The following ESCO1 variants were observed in gnomAD, a reference collection of about 807,000 sequenced individuals.
ESCO1 encodes establishment of sister chromatid cohesion N-acetyltransferase 1, also known as N-acetyltransferase ESCO1.
ESCO1 carries 33 observed loss-of-function variants against 83.5 expected under a neutral mutation model. The observed-to-expected ratio is 0.40, with a 90% CI of 0.30 to 0.53. The LOEUF (loss-of-function observed/expected upper bound fraction) is 0.53, where lower values mean the gene tolerates loss of function less well. ESCO1 is among the 20% of genes least tolerant of loss of function. The pLI is 0.63. For missense variants in ESCO1, 855 were observed against 968.0 expected (o/e 0.88, Z 1.55); for synonymous variants, 332 against 324.3 (o/e 1.02, Z -0.25).
intron 1 of ESCO1, among the ~76,000 whole-genome samples, chr18:21,596,307 T>TA (rs2038766360): frequency 6.6e-6 from 1 of 151,876 alleles, no homozygotes. Flanking sequence ...TTTAAGAGTA[T>TA]AAGGGGATCC....
At position 21,585,358 on chromosome 18, in the gene ESCO1, C is replaced by T. The variant is rs560883869; in HGVS notation, c.-824-918G>A. On this transcript the variant is annotated intron_variant, in intron 1 of 11. Coordinates refer to ENST00000269214, the MANE Select transcript of ESCO1 (RefSeq NM_052911.3). The stretch of plus-strand genomic sequence containing the variant: ...ACTTCCCTGACCTGATCGTCTTGGC[C>T]ACCTGACTTACTTTGGCCAACCAGA... Among the ~76,000 whole-genome samples, 379 of 152,212 alleles carry T rather than the reference C, an allele frequency of 2.5e-3. 1 individual carries two copies. The Middle Eastern group carries it at 0.034, about 14-fold the overall frequency.
intron 8 of ESCO1, among the ~76,000 whole-genome samples, chr18:21,542,758 C>G (rs2037922876): frequency 6.6e-6 from 1 of 152,192 alleles, no homozygotes; most frequent in South Asian, 2.1e-4. Flanking sequence ...AAATAACATA[C>G]TCAAGACATA....
At chr18:21,534,632 CTTT>C (rs869215387) in intron 10 of ESCO1, among the ~76,000 whole-genome samples, 1 of 140,890 alleles carries the variant, frequency 7.1e-6, no homozygotes, top group Non-Finnish European at 1.6e-5. Flanking sequence ...AGGTGTGGGC[CTTT>C]TTTTTTTTTT....
At position 21,532,478 on chromosome 18, in the gene ESCO1, G is replaced by A. The variant is rs1258837072; in HGVS notation, c.2370C>T (p.Cys790=). The A allele has an allele frequency of 6.2e-7, 1 of 1,609,368 alleles. No homozygotes were observed. The highest frequency in any genetic ancestry group is 2.2e-5 in the East Asian group (1 of 44,758). ...RKKIASRMIE[C]LRSNFIYGSY... ...AAGGATTACATTCAAGTTACCTTAG[G>A]CATTCAATCATGCGAGAAGCAATTT... The change falls in exon 11 of 12, where the codon TGC becomes TGT. Residue 790 remains cysteine, a synonymous_variant. Transcript: ENST00000269214.
At chr18:21,560,325 A>T (rs1244854880) in intron 8 of ESCO1, among the ~76,000 whole-genome samples, 4 of 143,014 alleles carry the variant, frequency 2.8e-5, no homozygotes, top group Non-Finnish European at 6.1e-5. Context: ...CTCTGTGGGA[A>T]TTTTTTTTTT....
At chr18:21,553,107 T>C (rs866887749) in intron 8 of ESCO1, among the ~76,000 whole-genome samples, 12 of 152,094 alleles carry the variant, frequency 7.9e-5, no homozygotes, top group Admixed American at 6.6e-4. Context: ...CTGGGCAATA[T>C]AGGGAAACCT....
chr18:21,530,318 C>A lies in ESCO1; in HGVS notation c.*25G>T. 6.5e-7 allele frequency: 1 copy of A among 1,548,106 alleles called. No individual in the cohort carries two copies. Among genetic ancestry groups the A allele is most frequent in the African/African-American group, 1.4e-5 (1 of 72,288 alleles). ...ATCCATTCTCTTCAATAGATGTCTT[C>A]TAGTGGTGTAGGCAAGAATTTGTTT... On this transcript the variant is annotated 3_prime_UTR_variant, in exon 12 of 12. Coordinates refer to ENST00000269214, the MANE Select transcript of ESCO1 (RefSeq NM_052911.3).
rs151237423 is a variant in ESCO1, at chr18:21,552,709, T to G, written c.1953+8150A>C. Reference sequence around the variant, plus strand: ...ACTCATATAAAAAGTCAACTGATCTTTGATATAAGAGAAAAGGCAATATAA... The same window carrying G: ...ACTCATATAAAAAGTCAACTGATCTGTGATATAAGAGAAAAGGCAATATAA... On this transcript the variant is annotated intron_variant, in intron 8 of 11. Transcript: ENST00000269214. Among the ~76,000 whole-genome samples the G allele has an allele frequency of 9.6e-3, 1,456 of 152,272 alleles. 9 individuals carry two copies. Among genetic ancestry groups the G allele is most frequent in the Admixed American group, 0.018 (277 of 15,282 alleles).
intron 1 of ESCO1, among the ~76,000 whole-genome samples, chr18:21,594,073 T>C (rs1043859382): frequency 3.3e-5 from 5 of 152,220 alleles, no homozygotes; most frequent in African/African-American, 1.2e-4. Context: ...CTCCATCCAC[T>C]AGATGCCAGT....
At chr18:21,569,281 TACTC>T (rs2038305873) in intron 4 of ESCO1, among the ~76,000 whole-genome samples, 1 of 152,238 alleles carries the variant, frequency 6.6e-6, no homozygotes, top group Non-Finnish European at 1.5e-5. Flanking sequence ...CCAAAGCAGA[TACTC>T]AATTAGTAAA....
chr18:21,568,467 G>A (rs2038293303), intron 4 of ESCO1, among the ~76,000 whole-genome samples: 1 of 152,096 alleles, frequency 6.6e-6, no homozygotes, highest in Admixed American at 6.6e-5. Context: ...TAGTTTCCTG[G>A]CTCTATACCT....
chr18:21,589,663 G>C (rs1457858589), intron 1 of ESCO1, among the ~76,000 whole-genome samples: 1 of 152,070 alleles, frequency 6.6e-6, no homozygotes, highest in Non-Finnish European at 1.5e-5. Flanking sequence ...AAACAGCTGG[G>C]AAAGATTTCT....
chr18:21,548,780 A>G (rs758243515), intron 8 of ESCO1, among the ~76,000 whole-genome samples: 5 of 152,120 alleles, frequency 3.3e-5, no homozygotes, highest in Admixed American at 6.5e-5. Flanking sequence ...TCTCTACAAA[A>G]AGTAAAATAA....
chr18:21,535,934 G>C, intron 10 of ESCO1, 108 bp downstream of exon 10: 1 of 1,360,384 alleles, frequency 7.4e-7, no homozygotes, highest in East Asian at 2.3e-5. Flanking sequence ...CATTAAAACT[G>C]ATCTTTACAT....
chr18:21,531,528 A>C (rs940104442), intron 11 of ESCO1, among the ~76,000 whole-genome samples: 2 of 152,000 alleles, frequency 1.3e-5, no homozygotes, highest in Non-Finnish European at 2.9e-5. Context: ...GTAAGACATT[A>C]AAGACCTAGG....
chr18:21,538,635 C>G (rs2037866535), intron 9 of ESCO1, among the ~76,000 whole-genome samples: 1 of 152,122 alleles, frequency 6.6e-6, no homozygotes, highest in African/African-American at 2.4e-5. Flanking sequence ...TTTCAAATAA[C>G]AGGCGCAAAG....
chr18:21,592,753 ACGGGGCGG>A, intron 1 of ESCO1, among the ~76,000 whole-genome samples: 2 of 149,708 alleles, frequency 1.3e-5, no homozygotes, highest in Admixed American at 6.6e-5. Context: ...CACTTCTCAG[ACGGGGCGG>A]CTGCCGGGCG....
At chr18:21,587,111 T>C (rs2038592874) in intron 1 of ESCO1, among the ~76,000 whole-genome samples, 1 of 152,230 alleles carries the variant, frequency 6.6e-6, no homozygotes, top group Non-Finnish European at 1.5e-5. Flanking sequence ...TGTGTTATCA[T>C]TTTTATAAGT....
rs1265068038 is a variant in ESCO1 at position 21,574,636 on chromosome 18, A to G, written c.208T>C (p.Ser70Pro). The G allele has an allele frequency of 6.2e-7, 1 of 1,613,718 alleles. No homozygotes were observed. The highest frequency in any genetic ancestry group is 8.5e-7 in the Non-Finnish European group (1 of 1,179,984). The change falls in exon 4 of 12, where the codon TCA becomes CCA. Residue 70 changes from serine (S) to proline (P), a missense_variant. Around this residue, in one of 2 missense-constraint regions of ESCO1, gnomAD observed 726 missense variants for 699.5 expected, o/e 1.04. Transcript: ENST00000269214. ...PELETRMSTR[S>P]SKAASNDKAT... ...TTATCATTAGATGCTGCCTTTGATGACCTTGTACTCATGCGTGTTTCCAAT... is the reference window on the plus strand; with the variant it reads ...TTATCATTAGATGCTGCCTTTGATGGCCTTGTACTCATGCGTGTTTCCAAT...
Sources: allele counts gnomAD v4.1 joint callset (sites outside exome capture counted in the v4.1 genomes callset), GRCh38; gene constraint gnomAD v4.1.1; regional missense constraint gnomAD v4.1.1; transcripts MANE v1.5; gene names NCBI Gene and HGNC (gene_info 2026-07-23, HGNC 2026-07-21).